The following ZNF705G variants were observed in gnomAD, a reference collection of about 807,000 sequenced individuals.
The protein encoded by ZNF705G is putative zinc finger protein 705G.
A neutral mutation model predicts 19.6 loss-of-function variants in ZNF705G; 23 were observed. The ratio of observed to expected loss-of-function variants is 1.17; its 90% CI spans 0.84 to 1.66. The LOEUF (loss-of-function observed/expected upper bound fraction) is 1.66, where lower values mean the gene tolerates loss of function less well. ZNF705G is among the 40% of genes most tolerant of loss of function. ZNF705G has a pLI of 0.00. For synonymous variants in ZNF705G, 146 were observed against 117.7 expected (o/e 1.24, Z -1.56); for missense variants, 457 against 354.4 (o/e 1.29, Z -2.32).
chr8:7,362,799 C>A (rs1806666295), intron 3 of ZNF705G, 136 bp downstream of exon 3: 1 of 1,574,768 alleles, frequency 6.4e-7, no homozygotes, highest in Non-Finnish European at 8.5e-7. Flanking sequence ...AACACCCAGG[C>A]AGGGTGGATT....
At chr8:7,364,027 G>C (rs1383055803) in intron 2 of ZNF705G, among the ~76,000 whole-genome samples, 2 of 149,416 alleles carry the variant, frequency 1.3e-5, no homozygotes, top group Admixed American at 1.3e-4. Context: ...ACTTAGGAGA[G>C]GGAGAAATTT....
chr8:7,379,117 T>C (rs1385891698), intron 2 of ZNF705G, among the ~76,000 whole-genome samples: 2 of 150,290 alleles, frequency 1.3e-5, no homozygotes, highest in South Asian at 4.2e-4. Context: ...AGAATCAAGA[T>C]ATTTAAAAGT....
At position 7,362,361 on chromosome 8, in the gene ZNF705G, A is replaced by C. The variant is rs1300663256; in HGVS notation, c.12+574T>G. 2.7e-5 allele frequency among the ~76,000 whole-genome samples: 4 copies of C among 149,728 alleles called. 1 individual carries two copies. Among genetic ancestry groups the C allele is most frequent in the African/African-American group, 1.0e-4 (4 of 39,108 alleles). On this transcript the variant is annotated intron_variant, in intron 3 of 6. Transcript: ENST00000400156. ...CTTTCACAAAGTTTTTAAAAGCTCAAATACATTTTATCAAACTCTTCTTTT... is the reference window on the plus strand; with the variant it reads ...CTTTCACAAAGTTTTTAAAAGCTCACATACATTTTATCAAACTCTTCTTTT...
chr8:7,360,596 G>T (rs116986676), intron 4 of ZNF705G, among the ~76,000 whole-genome samples: 1 of 149,218 alleles, frequency 6.7e-6, no homozygotes, highest in Admixed American at 6.6e-5. Context: ...GTTCCAAGAC[G>T]CAATGCATAA....
At chr8:7,364,556 AT>A in intron 2 of ZNF705G, among the ~76,000 whole-genome samples, 1 of 149,666 alleles carries the variant, frequency 6.7e-6, no homozygotes. Flanking sequence ...TTTTAATTAT[AT>A]TCTGCGTGTC....
At chr8:7,385,208 G>A (rs571776292) in intron 1 of ZNF705G, among the ~76,000 whole-genome samples, 5 of 148,258 alleles carry the variant, frequency 3.4e-5, no homozygotes, top group African/African-American at 1.3e-4. Context: ...GTGGGTAAAG[G>A]TCAGTGCTCC....
At chr8:7,365,079 AG>A (rs1806796390) in intron 2 of ZNF705G, among the ~76,000 whole-genome samples, 1 of 149,648 alleles carries the variant, frequency 6.7e-6, no homozygotes, top group African/African-American at 2.6e-5. Context: ...GGACAAAGAA[AG>A]GACAAATATT....
rs1002979941 is a variant in ZNF705G, at chr8:7,369,273, A to G, written c.-71-6256T>C. 2.7e-4 allele frequency among the ~76,000 whole-genome samples: 41 copies of G among 149,494 alleles called. 6 individuals are homozygous for G. The highest frequency in any genetic ancestry group is 1.0e-3 in the African/African-American group (40 of 38,908). On this transcript the variant is annotated intron_variant, in intron 2 of 6. Coordinates refer to ENST00000400156, the MANE Select transcript of ZNF705G (RefSeq NM_001164457.3). ...AACCATATCAGAAGCCTTTGCCTGGATTTCTAAAGATGTATGGGAAAGCCT... is the reference window on the plus strand; with the variant it reads ...AACCATATCAGAAGCCTTTGCCTGGGTTTCTAAAGATGTATGGGAAAGCCT...
At position 7,365,556 on chromosome 8, in the gene ZNF705G, G is replaced by A. The variant is rs1234848346; in HGVS notation, c.-71-2539C>T. Among the ~76,000 whole-genome samples, 2 of 148,922 alleles carry A rather than the reference G, an allele frequency of 1.3e-5. 1 individual carries two copies. The highest frequency in any genetic ancestry group is 5.2e-5 in the African/African-American group (2 of 38,464). ...ATCGTGCTCGGCTAATTTTGTACTA[G>A]ACGTGGTTTCTCCATTTTGGTCGCG... On this transcript the variant is annotated intron_variant, in intron 2 of 6. Transcript: ENST00000400156.
At chr8:7,370,291 A>G (rs1807044975) in intron 2 of ZNF705G, among the ~76,000 whole-genome samples, 1 of 148,252 alleles carries the variant, frequency 6.7e-6, no homozygotes, top group Non-Finnish European at 1.5e-5. Context: ...AAATATGCAA[A>G]GATCTGAGTA....
chr8:7,365,589 A>G lies in ZNF705G; in HGVS notation c.-71-2572T>C, dbSNP rs1194807140. Among the ~76,000 whole-genome samples, 4 of 149,154 alleles carry G rather than the reference A, an allele frequency of 2.7e-5. 1 individual carries two copies. The highest frequency in any genetic ancestry group is 2.6e-4 in the Admixed American group (4 of 15,234). On this transcript the variant is annotated intron_variant, in intron 2 of 6. Transcript: ENST00000400156. ...TTCTCCATTTTGGTCGCGCTGGTCT[A>G]AAACTCCTGACCTCAGGTGATCCGC... is the stretch of plus-strand genomic sequence containing the variant.
chr8:7,360,622 G>T (rs1293740187), intron 4 of ZNF705G, among the ~76,000 whole-genome samples: 1 of 149,382 alleles, frequency 6.7e-6, no homozygotes, highest in South Asian at 2.1e-4. Flanking sequence ...AATCTTTTCA[G>T]AAAGAGAGTA....
rs372951185 is a variant in ZNF705G at position 7,359,644 on chromosome 8, T to C, written c.293A>G (p.Lys98Arg). Residue 98 changes from lysine to arginine, a missense_variant, in exon 6 of 7, where the codon AAA becomes AGA. By Grantham distance (26) the Lys-to-Arg change is conservative. Coordinates refer to ENST00000400156, the MANE Select transcript of ZNF705G (RefSeq NM_001164457.3). ...HMISMHPITR[K>R]DASTSMTMEN... ...CATTGTCATACTGGTGGATGCGTCT[T>C]TTCTGGTGATAGGATGCATGGATAT... 5.9e-4 allele frequency: 951 copies of C among 1,606,486 alleles called. 2 individuals carry two copies. The highest frequency in any genetic ancestry group is 7.7e-4 in the Non-Finnish European group (909 of 1,179,074).
At chr8:7,372,478 A>G (rs1233916610) in intron 2 of ZNF705G, among the ~76,000 whole-genome samples, 1 of 132,954 alleles carries the variant, frequency 7.5e-6, no homozygotes, top group South Asian at 2.8e-4. Flanking sequence ...TCCTGCCTCC[A>G]CGTGCGGTGG....
chr8:7,363,261 T>A (rs1480576263), intron 2 of ZNF705G, among the ~76,000 whole-genome samples: 1 of 147,372 alleles, frequency 6.8e-6, no homozygotes, highest in Non-Finnish European at 1.5e-5. Context: ...AAGCACGGAG[T>A]TTTGTATGTT....
At position 7,355,980 on chromosome 8, in the gene ZNF705G, C is replaced by T. The variant is rs1554522428; in HGVS notation, c.*1996G>A. 2.7e-5 allele frequency: 4 copies of T among 149,402 alleles called. No individual in the cohort carries two copies. The South Asian group carries it at 8.4e-4, about 31-fold the overall frequency. 9.3% of individuals were successfully genotyped at this position (149,402 alleles called of 1,614,324 possible). A position where few individuals can be genotyped will look rare whatever the true frequency, so the allele number is the denominator to read the frequency against. On this transcript the variant is annotated 3_prime_UTR_variant, in exon 7 of 7. Coordinates refer to ENST00000400156, the MANE Select transcript of ZNF705G (RefSeq NM_001164457.3). ...GTGTCAACTTCAACCATGGATAAGG[C>T]CATTTAGCCTTAGTAAGGCCGATCG...
intron 2 of ZNF705G, among the ~76,000 whole-genome samples, chr8:7,366,756 A>G (rs1423770570): frequency 6.7e-6 from 1 of 149,628 alleles, no homozygotes; most frequent in Non-Finnish European, 1.5e-5. Context: ...AGATGAATAT[A>G]GAGAAGCAGA....
chr8:7,356,819 C>T lies in ZNF705G; in HGVS notation c.*1157G>A, dbSNP rs1171162726. The T allele has an allele frequency of 6.7e-6, 1 of 149,788 alleles. No homozygotes were observed. The highest frequency in any genetic ancestry group is 1.5e-5 in the Non-Finnish European group (1 of 68,016). 9.3% of individuals were successfully genotyped at this position (149,788 alleles called of 1,614,324 possible). On this transcript the variant is annotated 3_prime_UTR_variant, in exon 7 of 7. Transcript: ENST00000400156. ...AGTTTTTTCAACAACAGATTGTATTCTTTCAATATTTGTAAGTATTGATCT... is the reference window on the plus strand; with the variant it reads ...AGTTTTTTCAACAACAGATTGTATTTTTTCAATATTTGTAAGTATTGATCT...
Position 7,358,418 on chromosome 8 carries a change from C to T in ZNF705G, c.461G>A (p.Arg154His), listed in dbSNP as rs201106758. The change falls in exon 7 of 7, where the codon CGT (arginine) becomes CAT (histidine). Residue 154 changes from arginine (R) to histidine (H), a missense_variant. Coordinates refer to ENST00000400156, the MANE Select transcript of ZNF705G (RefSeq NM_001164457.3). ...YVSKQCGKSL[R>H]NLLSTEPHKQ... ...ATGTGGTTCAGTGGACAAAAGATTA[C>T]GAAGGGATTTTCCACACTGTTTGCT... The T allele has an allele frequency of 5.8e-5, 94 of 1,607,550 alleles. No homozygotes were observed. Among genetic ancestry groups the T allele is most frequent in the Middle Eastern group, 2.3e-4 (1 of 4,422 alleles).
Sources: allele counts gnomAD v4.1 joint callset (sites outside exome capture counted in the v4.1 genomes callset), GRCh38; gene constraint gnomAD v4.1.1; transcripts MANE v1.5; gene names NCBI Gene and HGNC (gene_info 2026-07-23, HGNC 2026-07-21).